ABCA1: variants seen among roughly 807,000 people sequenced by gnomAD.
ABCA1 encodes the protein phospholipid-transporting ATPase ABCA1.
A neutral mutation model predicts 262.5 loss-of-function variants in ABCA1; 133 were observed. That is an observed-to-expected ratio of 0.51 (90% confidence interval 0.44 to 0.59). The LOEUF is 0.59. Ranked by LOEUF, ABCA1 falls within the 20% of genes least tolerant of loss-of-function variation. The pLI, the probability that ABCA1 is intolerant of heterozygous loss-of-function variation, is 0.00. For missense variants in ABCA1, 2,452 were observed against 2,777.5 expected, an observed-to-expected ratio of 0.88 and a Z score of 2.63; for synonymous variants, 1,022 against 1,043.5, an observed-to-expected ratio of 0.98 and a Z score of 0.40.
chr9:104,782,486 T>C lies in ABCA1; in HGVS notation c.*1829A>G, dbSNP rs1252189582. 1.3e-5 allele frequency: 2 copies of C among 152,202 alleles called. No individual in the cohort carries two copies. The highest frequency in any genetic ancestry group is 4.8e-5 in the African/African-American group (2 of 41,462). 9.4% of individuals were successfully genotyped at this position (152,202 alleles called of 1,614,324 possible). On this transcript the variant is annotated 3_prime_UTR_variant, in exon 50 of 50. Coordinates refer to ENST00000374736, the MANE Select transcript of ABCA1 (RefSeq NM_005502.4). ...CTTGAACTTCCCCAAACAATAGTTC[T>C]CTCATATTTTTCTTTTCTCTCAAGA...
intron 2 of ABCA1, among the ~76,000 whole-genome samples, chr9:104,890,673 A>C (rs1839648085): frequency 6.6e-6 from 1 of 151,696 alleles, no homozygotes; most frequent in African/African-American, 2.4e-5. Context: ...ATCATAGCTC[A>C]CTGGAACGTC....
chr9:104,900,525 C>T (rs1840582325), intron 2 of ABCA1, among the ~76,000 whole-genome samples: 1 of 152,208 alleles, frequency 6.6e-6, no homozygotes, highest in African/African-American at 2.4e-5. Context: ...CCCCAAAACC[C>T]TTAAGAGGTT....
chr9:104,884,618 G>T, intron 3 of ABCA1, 50 bp from the exon 4 acceptor site: 1 of 1,610,400 alleles, frequency 6.2e-7, no homozygotes, highest in Non-Finnish European at 8.5e-7. Context: ...TTAATTCCCT[G>T]AAGCGATTTT....
chr9:104,848,227 C>T (rs1159060752), intron 7 of ABCA1, among the ~76,000 whole-genome samples: 1 of 152,064 alleles, frequency 6.6e-6, no homozygotes, highest in African/African-American at 2.4e-5. Flanking sequence ...TGAATATGAC[C>T]AAAATCATGG....
chr9:104,821,610 G>T, intron 19 of ABCA1, 104 bp from the exon 20 acceptor site: 2 of 1,340,794 alleles, frequency 1.5e-6, no homozygotes, highest in South Asian at 1.2e-5. Context: ...CCCTCCCACC[G>T]CCCCCATTCC....
intron 1 of ABCA1, among the ~76,000 whole-genome samples, chr9:104,905,990 G>A (rs1294754992): frequency 6.6e-6 from 1 of 152,086 alleles, no homozygotes; most frequent in Non-Finnish European, 1.5e-5. Flanking sequence ...ACCTTGTATG[G>A]TGTTCAACTG....
chr9:104,830,904 A>G (rs1349605627), intron 14 of ABCA1, 21 bp downstream of exon 14: 3 of 1,613,398 alleles, frequency 1.9e-6, no homozygotes, highest in Admixed American at 3.3e-5. Flanking sequence ...GGTTAAAAAC[A>G]GTGGCTTGCA....
At position 104,844,761 on chromosome 9, in the gene ABCA1, CT is replaced by C. The variant is rs958575633; in HGVS notation, c.813+715del. 2.6e-5 allele frequency among the ~76,000 whole-genome samples: 4 copies of C among 152,230 alleles called. No homozygotes were observed. In the East Asian group the frequency reaches 7.7e-4, roughly 29 times the overall value. Reference sequence around the variant, plus strand: ...CTGTATTGTTTGTGAGCACTGCCCCCTGGCTCAGCTTCCTATGCTGGGGGAC... The same window carrying C: ...CTGTATTGTTTGTGAGCACTGCCCCCGGCTCAGCTTCCTATGCTGGGGGAC... On this transcript the variant is annotated intron_variant, in intron 8 of 49. Coordinates refer to ENST00000374736, the MANE Select transcript of ABCA1 (RefSeq NM_005502.4).
At chr9:104,825,439 T>C (rs1832732773) in intron 17 of ABCA1, among the ~76,000 whole-genome samples, 1 of 152,238 alleles carries the variant, frequency 6.6e-6, no homozygotes. Flanking sequence ...GAGAATTAAA[T>C]GAAGCAATGT....
Position 104,818,840 on chromosome 9 carries a change from G to A in ABCA1, c.3285C>T (p.Asp1095=), listed in dbSNP as rs773206469. ...ILSTHHMDEA[D]VLGDRIAIIS... is the part of the protein sequence containing the mutation. ...TGATGGCAATCCTGTCCCCCAGGAC[G>A]TCCGCTTCATCCATGTGGTGTGTAG... The change falls in exon 23 of 50, where the codon GAC becomes GAT. Residue 1095 remains aspartate, a synonymous_variant. Transcript: ENST00000374736. 1.2e-5 allele frequency: 20 copies of A among 1,613,862 alleles called. No homozygotes were observed. Among genetic ancestry groups the A allele is most frequent in the African/African-American group, 2.7e-5 (2 of 74,924 alleles).
chr9:104,822,499 G>A lies in ABCA1; in HGVS notation c.2825C>T (p.Thr942Ile). The A allele has an allele frequency of 1.2e-6, 2 of 1,613,294 alleles. No individual in the cohort carries two copies. Among genetic ancestry groups the A allele is most frequent in the Non-Finnish European group, 1.7e-6 (2 of 1,179,932 alleles). ...GGGAACCACACCCTCTTCTTACATGGTGGTCGTCTTCCCCGCTCCATTGTG... is the reference window on the plus strand; with the variant it reads ...GGGAACCACACCCTCTTCTTACATGATGGTCGTCTTCCCCGCTCCATTGTG... ...LGHNGAGKTT[T>I]MSILTGLFPP... The change falls in exon 19 of 50, where the codon ACC (threonine) becomes ATC (isoleucine). Residue 942 changes from threonine (T) to isoleucine (I), a missense_variant. Physicochemically the swap from Thr to Ile is moderately conservative, Grantham distance 89. Around this residue, in one of 4 missense-constraint regions of ABCA1, gnomAD observed 665 missense variants for 727.3 expected, o/e 0.91. Coordinates refer to ENST00000374736, the MANE Select transcript of ABCA1 (RefSeq NM_005502.4).
chr9:104,788,923 A>T (rs1829166047), intron 44 of ABCA1, among the ~76,000 whole-genome samples: 1 of 152,268 alleles, frequency 6.6e-6, no homozygotes, highest in East Asian at 1.9e-4. Context: ...CCTAGACTTC[A>T]CTCATATGCA....
At chr9:104,887,859 T>G (rs1050493991) in intron 3 of ABCA1, among the ~76,000 whole-genome samples, 1 of 151,436 alleles carries the variant, frequency 6.6e-6, no homozygotes, top group Non-Finnish European at 1.5e-5. Flanking sequence ...CCCCAGTAGC[T>G]GGGATTACAG....
In ABCA1 at chr9:104,819,018, G is replaced by A. The variant is rs1303224645; in HGVS notation, c.3242-135C>T. Reference sequence around the variant, plus strand: ...CTGGAAGCCACCTTTCACCCTGTATGGCTATGACCCCTAGAATGGCAAAGC... The same window carrying A: ...CTGGAAGCCACCTTTCACCCTGTATAGCTATGACCCCTAGAATGGCAAAGC... On this transcript the variant is annotated intron_variant, in intron 22 of 49. Coordinates refer to ENST00000374736, the MANE Select transcript of ABCA1 (RefSeq NM_005502.4). 3 of 818,804 alleles carry A rather than the reference G, an allele frequency of 3.7e-6. No homozygotes were observed. The African/African-American group carries it at 5.1e-5, about 14-fold the overall frequency. 50.7% of individuals were successfully genotyped at this position (818,804 alleles called of 1,614,324 possible).
intron 31 of ABCA1, among the ~76,000 whole-genome samples, chr9:104,805,050 A>G (rs1830647967): frequency 6.6e-6 from 1 of 152,188 alleles, no homozygotes; most frequent in Non-Finnish European, 1.5e-5. Flanking sequence ...CTGGAGTTAT[A>G]CTGATGACTA....
intron 1 of ABCA1, among the ~76,000 whole-genome samples, chr9:104,920,760 T>C (rs900234057): frequency 1.3e-5 from 2 of 152,216 alleles, no homozygotes; most frequent in South Asian, 2.1e-4. Context: ...TCCGCCCACC[T>C]TGGCCTCCCA....
chr9:104,893,421 CAAAAAAAAAAAAAAAAAAA>C (rs34544647), intron 2 of ABCA1, among the ~76,000 whole-genome samples: 27 of 35,270 alleles, frequency 7.7e-4, no homozygotes, highest in African/African-American at 2.5e-3. Context: ...GACTTCACCT[CAAAAAAAAAAAAAAAAAAA>C]AAAAAAAAAA....
intron 43 of ABCA1, 139 bp from the exon 44 acceptor site, chr9:104,791,167 T>C (rs1588204096): frequency 3.2e-6 from 2 of 623,084 alleles, no homozygotes; most frequent in East Asian, 5.7e-5. Context: ...ACACATCGTA[T>C]AGATATTTAA....
At chr9:104,885,401 G>A (rs1839077098) in intron 3 of ABCA1, among the ~76,000 whole-genome samples, 1 of 151,904 alleles carries the variant, frequency 6.6e-6, no homozygotes. Context: ...AACCCCTCTG[G>A]TACTCTCCTC....
Sources: allele counts gnomAD v4.1 joint callset (sites outside exome capture counted in the v4.1 genomes callset), GRCh38; gene constraint gnomAD v4.1.1; regional missense constraint gnomAD v4.1.1; transcripts MANE v1.5; gene names NCBI Gene and HGNC (gene_info 2026-07-23, HGNC 2026-07-21).